The following LMNB1 variants were observed in gnomAD, a reference collection of about 807,000 sequenced individuals.
The protein encoded by LMNB1 is lamin B1.
A neutral mutation model predicts 67.1 loss-of-function variants in LMNB1; 23 were observed. The observed-to-expected ratio is 0.34, with a 90% CI of 0.25 to 0.49. LMNB1 has a LOEUF of 0.49. LMNB1 is among the 20% of genes least tolerant of loss of function. LMNB1 has a pLI of 0.99. For missense variants in LMNB1, 634 were observed against 746.5 expected (o/e 0.85, Z 1.76); for synonymous variants, 281 against 282.9 (o/e 0.99, Z 0.07).
At chr5:126,800,490 C>T (rs929575299) in intron 1 of LMNB1, among the ~76,000 whole-genome samples, 1 of 149,262 alleles carries the variant, frequency 6.7e-6, no homozygotes, top group African/African-American at 2.5e-5. Flanking sequence ...CTCAGAAGGT[C>T]TTTAGGACTT....
At chr5:126,793,060 C>T (rs186632829) in intron 1 of LMNB1, among the ~76,000 whole-genome samples, 51 of 152,222 alleles carry the variant, frequency 3.4e-4, no homozygotes, top group African/African-American at 1.1e-3. Flanking sequence ...CAGTATATAG[C>T]TACTATTCAG....
At chr5:126,806,171 TCTCGATCTCCTGAC>T (rs1303075921) in intron 3 of LMNB1, among the ~76,000 whole-genome samples, 1 of 152,072 alleles carries the variant, frequency 6.6e-6, no homozygotes, top group African/African-American at 2.4e-5. Context: ...GCCAGGGTGG[TCTCGATCTCCTGAC>T]CTCGTGATCC....
intron 8 of LMNB1, 37 bp from the exon 9 acceptor site, chr5:126,825,951 G>A (rs1751985981): frequency 3.7e-6 from 6 of 1,612,258 alleles, no homozygotes; most frequent in African/African-American, 2.7e-5. Context: ...GGGAGAACTG[G>A]GTTCTGGGTG....
chr5:126,795,391 G>A lies in LMNB1; in HGVS notation c.360-9385G>A, dbSNP rs114962670. Among the ~76,000 whole-genome samples the A allele has an allele frequency of 8.2e-3, 1,249 of 152,176 alleles. 11 individuals are homozygous for A. The highest frequency in any genetic ancestry group is 0.029 in the African/African-American group (1,196 of 41,522). On this transcript the variant is annotated intron_variant, in intron 1 of 10. Coordinates refer to ENST00000261366, the MANE Select transcript of LMNB1 (RefSeq NM_005573.4). ...GGGCTCAAGCATTCTGCCCATTTTGGCCTCCCAAAGTGCTAGGATTACAGG... is the reference window on the plus strand; with the variant it reads ...GGGCTCAAGCATTCTGCCCATTTTGACCTCCCAAAGTGCTAGGATTACAGG...
At chr5:126,801,771 G>A (rs937248860) in intron 1 of LMNB1, among the ~76,000 whole-genome samples, 1 of 152,206 alleles carries the variant, frequency 6.6e-6, no homozygotes, top group Non-Finnish European at 1.5e-5. Flanking sequence ...GAAGGCACAG[G>A]TCATTCTCCT....
At chr5:126,829,250 C>G (rs1289246674) in intron 9 of LMNB1, among the ~76,000 whole-genome samples, 2 of 151,884 alleles carry the variant, frequency 1.3e-5, no homozygotes, top group Non-Finnish European at 2.9e-5. Flanking sequence ...AATAGTGGAC[C>G]TAATCCAGTG....
chr5:126,811,891 A>G lies in LMNB1; in HGVS notation c.932A>G (p.Gln311Arg), dbSNP rs1580544580. ...ESLSSQLSNL[Q>R]KESRACLERI... ...CTTTCATCCCAGCTTTCTAATCTAC[A>G]GAAAGAGGTAAATAATCATCTTTCT... Residue 311 changes from glutamine (Q) to arginine (R), a missense_variant, in exon 5 of 11, where the codon CAG (glutamine) becomes CGG (arginine). By Grantham distance (43) the Gln-to-Arg change is conservative (BLOSUM62 1). Transcript: ENST00000261366. 6.2e-7 allele frequency: 1 copy of G among 1,610,808 alleles called. No individual in the cohort carries two copies. Among genetic ancestry groups the G allele is most frequent in the Non-Finnish European group, 8.5e-7 (1 of 1,177,396 alleles).
chr5:126,820,500 G>GAAAT (rs1751836909), intron 6 of LMNB1, among the ~76,000 whole-genome samples: 1 of 152,080 alleles, frequency 6.6e-6, no homozygotes, highest in African/African-American at 2.4e-5. Flanking sequence ...TTTTGCTTTA[G>GAAAT]AAATGCATGG....
At chr5:126,834,569 T>G (rs991654478) in intron 10 of LMNB1, among the ~76,000 whole-genome samples, 7 of 152,230 alleles carry the variant, frequency 4.6e-5, no homozygotes, top group African/African-American at 2.4e-5. Context: ...ATGGTGATCT[T>G]TAACTCACTA....
intron 1 of LMNB1, among the ~76,000 whole-genome samples, chr5:126,794,137 C>G (rs1482637088): frequency 6.6e-6 from 1 of 152,164 alleles, no homozygotes; most frequent in East Asian, 1.9e-4. Flanking sequence ...GTTGACCAGT[C>G]TGGTCTCTAA....
intron 1 of LMNB1, among the ~76,000 whole-genome samples, chr5:126,798,665 T>C (rs1036656832): frequency 6.6e-6 from 1 of 152,100 alleles, no homozygotes; most frequent in African/African-American, 2.4e-5. Context: ...ATATTTTACA[T>C]AGGATGAAAA....
At chr5:126,796,476 CA>C (rs2112941901) in intron 1 of LMNB1, among the ~76,000 whole-genome samples, 1 of 152,274 alleles carries the variant, frequency 6.6e-6, no homozygotes, top group East Asian at 1.9e-4. Flanking sequence ...GACCTTAAAA[CA>C]AGTCAAGGTC....
chr5:126,785,295 A>ATT (rs112060547), intron 1 of LMNB1, among the ~76,000 whole-genome samples: 5 of 123,038 alleles, frequency 4.1e-5, no homozygotes, highest in Non-Finnish European at 3.4e-5. Flanking sequence ...CTAAAAATTA[A>ATT]TTTTTTTTTT....
intron 3 of LMNB1, among the ~76,000 whole-genome samples, chr5:126,806,901 C>T (rs908117536): frequency 1.3e-5 from 2 of 152,132 alleles, no homozygotes; most frequent in African/African-American, 4.8e-5. Context: ...CCTTAGCCCC[C>T]CTAGTAGCTG....
At chr5:126,833,527 C>G (rs1463703348) in intron 10 of LMNB1, among the ~76,000 whole-genome samples, 1 of 152,154 alleles carries the variant, frequency 6.6e-6, no homozygotes, top group East Asian at 1.9e-4. Context: ...TATATTTAAC[C>G]CCCAGGGTTG....
chr5:126,807,621 T>G lies in LMNB1; in HGVS notation c.642+1925T>G, dbSNP rs138371181. ...CTTTGTTAAAGCAGATATTTTGATA[T>G]GAGGTTGACTTACATTTTTGTTTTG... On this transcript the variant is annotated intron_variant, in intron 3 of 10. Transcript: ENST00000261366. Among the ~76,000 whole-genome samples the G allele has an allele frequency of 2.5e-3, 383 of 152,382 alleles. 4 individuals are homozygous for G. The Middle Eastern group carries it at 0.068, about 27-fold the overall frequency.
chr5:126,829,135 T>C (rs1580557901), intron 9 of LMNB1, among the ~76,000 whole-genome samples: 1 of 152,004 alleles, frequency 6.6e-6, no homozygotes, highest in Non-Finnish European at 1.5e-5. Flanking sequence ...TTGTTTCTTA[T>C]GTTTTTTTTT....
intron 4 of LMNB1, among the ~76,000 whole-genome samples, chr5:126,811,270 A>C (rs1751571585): frequency 6.6e-6 from 1 of 152,208 alleles, no homozygotes; most frequent in Non-Finnish European, 1.5e-5. Flanking sequence ...ACACATACAC[A>C]ATAGTGTTAT....
At chr5:126,811,504 G>A (rs1751576429) in intron 4 of LMNB1, among the ~76,000 whole-genome samples, 2 of 152,168 alleles carry the variant, frequency 1.3e-5, no homozygotes, top group Admixed American at 1.3e-4. Flanking sequence ...GACATTAAAG[G>A]TTTAATAGAT....
Sources: allele counts gnomAD v4.1 joint callset (sites outside exome capture counted in the v4.1 genomes callset), GRCh38; gene constraint gnomAD v4.1.1; transcripts MANE v1.5; gene names NCBI Gene and HGNC (gene_info 2026-07-23, HGNC 2026-07-21).